DENND4C: variants seen among roughly 807,000 people sequenced by gnomAD.
DENND4C encodes DENN domain containing 4C.
DENND4C carries 108 observed loss-of-function variants against 203.0 expected under a neutral mutation model. That is an observed-to-expected ratio of 0.53 (90% CI 0.46 to 0.62). DENND4C has a LOEUF of 0.62. Ranked by LOEUF, DENND4C falls within the 20% of genes least tolerant of loss-of-function variation. The pLI is 0.00. For missense variants in DENND4C, 2,481 were observed against 2,301.2 expected (o/e 1.08, Z -1.60); for synonymous variants, 871 against 792.4 (o/e 1.10, Z -1.67).
At chr9:19,319,761 G>A (rs896282036) in intron 12 of DENND4C, among the ~76,000 whole-genome samples, 2 of 152,048 alleles carry the variant, frequency 1.3e-5, no homozygotes, top group Non-Finnish European at 2.9e-5. Context: ...AGAAAAAAAT[G>A]TAATACTAAC....
intron 4 of DENND4C, among the ~76,000 whole-genome samples, chr9:19,290,466 A>G (rs756993081): frequency 1.3e-5 from 2 of 152,224 alleles, no homozygotes; most frequent in Non-Finnish European, 2.9e-5. Flanking sequence ...GGTTGAATGG[A>G]ATCTCAACTA....
At chr9:19,233,411 C>T (rs1821064618) in intron 1 of DENND4C, among the ~76,000 whole-genome samples, 1 of 152,096 alleles carries the variant, frequency 6.6e-6, no homozygotes, top group Non-Finnish European at 1.5e-5. Context: ...AGGTCTTTAG[C>T]ATCAGATTGT....
At chr9:19,318,850 A>G (rs1279138985) in intron 12 of DENND4C, among the ~76,000 whole-genome samples, 1 of 152,112 alleles carries the variant, frequency 6.6e-6, no homozygotes, top group African/African-American at 2.4e-5. Flanking sequence ...TTACATTCCG[A>G]GGTACTAGGG....
intron 1 of DENND4C, among the ~76,000 whole-genome samples, chr9:19,258,907 G>A (rs10738532): frequency 0.49 from 74,927 of 151,768 alleles, 19,259 homozygotes; most frequent in South Asian, 0.66. Context: ...TGCCTGCCTC[G>A]GCCTCCCAAA....
intron 12 of DENND4C, among the ~76,000 whole-genome samples, chr9:19,321,205 A>C (rs568509925): frequency 6.6e-6 from 1 of 152,252 alleles, no homozygotes. Context: ...GAGACATTGA[A>C]GCATGGATCT....
intron 10 of DENND4C, among the ~76,000 whole-genome samples, chr9:19,308,495 C>A (rs1158420704): frequency 6.6e-6 from 1 of 152,070 alleles, no homozygotes; most frequent in Non-Finnish European, 1.5e-5. Context: ...TTTGTTGGTA[C>A]ATTTTCCTGT....
rs1204882044 is a variant in DENND4C, at chr9:19,346,715, A to G, written c.3946A>G (p.Thr1316Ala). The G allele has an allele frequency of 1.9e-6, 3 of 1,614,188 alleles. No homozygotes were observed. The highest frequency in any genetic ancestry group is 2.2e-5 in the South Asian group (2 of 91,084). Residue 1316 changes from threonine to alanine, a missense_variant, in exon 23 of 33, where the codon ACT (threonine) becomes GCT (alanine). This residue lies in a region of DENND4C where 2,289 missense variants were observed against 2,113.3 expected (regional missense o/e 1.08). Coordinates refer to ENST00000434457, the MANE Select transcript of DENND4C (RefSeq NM_001330640.2). ...GGAAAACAGAGAGTCTGGCATGACT[A>G]CTGCATTTATTCATGCTCTAGAGAG... ...REENRESGMT[T>A]AFIHALERRS...
chr9:19,277,803 A>G (rs1833185989), intron 2 of DENND4C, among the ~76,000 whole-genome samples: 1 of 152,192 alleles, frequency 6.6e-6, no homozygotes, highest in Admixed American at 6.5e-5. Context: ...TTCCTTAAAT[A>G]CCATTTATCA....
intron 22 of DENND4C, among the ~76,000 whole-genome samples, chr9:19,344,063 A>G (rs1822262076): frequency 6.6e-6 from 1 of 152,206 alleles, no homozygotes; most frequent in African/African-American, 2.4e-5. Flanking sequence ...GCTTATTCTG[A>G]TTAATTGATA....
At position 19,371,919 on chromosome 9, in the gene DENND4C, A is replaced by G. The variant is rs150992034; in HGVS notation, c.5740+99A>G. The G allele has an allele frequency of 2.4e-5, 31 of 1,318,412 alleles. No individual in the cohort carries two copies. In the East Asian group the frequency reaches 7.2e-4, roughly 31 times the overall value. The allele number at this position is 1,318,412 out of a possible 1,614,324, so 81.7% of individuals were successfully genotyped here. A position where few individuals can be genotyped will look rare whatever the true frequency, so the allele number is the denominator to read the frequency against. ...CTGGTATGTATAAAAGATTTAAAAG[A>G]TTTCTACTTCTAAATATATAGTTCA... On this transcript the variant is annotated intron_variant, in intron 32 of 32. Transcript: ENST00000434457.
chr9:19,345,019 C>G (rs775984610), intron 22 of DENND4C, among the ~76,000 whole-genome samples: 4 of 152,064 alleles, frequency 2.6e-5, no homozygotes, highest in Non-Finnish European at 4.4e-5. Context: ...CTTTCATGAT[C>G]AAATTATCTT....
chr9:19,245,971 T>C (rs1316801322), intron 1 of DENND4C, among the ~76,000 whole-genome samples: 1 of 152,232 alleles, frequency 6.6e-6, no homozygotes, highest in Non-Finnish European at 1.5e-5. Context: ...TTTTTTTTAT[T>C]TTTTCAGTTC....
Position 19,372,399 on chromosome 9 carries a change from C to T in DENND4C, c.*226C>T, listed in dbSNP as rs1272542345. On this transcript the variant is annotated 3_prime_UTR_variant, in exon 33 of 33. Transcript: ENST00000434457. ...ATATTGAAGATTTTCAACCCCTGAA[C>T]TGCTTTTCTGCCTCTGTGGAAAACT... 1 of 419,994 alleles carries T rather than the reference C, an allele frequency of 2.4e-6. No homozygotes were observed. Among genetic ancestry groups the T allele is most frequent in the African/African-American group, 2.0e-5 (1 of 49,502 alleles). The allele number at this position is 419,994 out of a possible 1,614,324, so 26.0% of individuals were successfully genotyped here.
At chr9:19,327,962 A>G in intron 15 of DENND4C, 68 bp from the exon 16 acceptor site, 2 of 1,423,764 alleles carry the variant, frequency 1.4e-6, no homozygotes, top group South Asian at 2.8e-5. Context: ...ATATTTGCCT[A>G]AACGCTGGAA....
In DENND4C at chr9:19,369,891, T is replaced by C. The variant is rs546286481; in HGVS notation, c.5579T>C (p.Leu1860Ser). The part of the protein sequence containing the change: ...LSEEQQETST[L>S]VETIRQSIQH... ...GAGGAACAACAAGAAACAAGCACTTTAGTAGAAACCATCAGGCAGAGTATT... is the reference window on the plus strand; with the variant it reads ...GAGGAACAACAAGAAACAAGCACTTCAGTAGAAACCATCAGGCAGAGTATT... The change falls in exon 31 of 33, where the codon TTA becomes TCA. Residue 1860 changes from leucine (L) to serine (S), a missense_variant. Coordinates refer to ENST00000434457, the MANE Select transcript of DENND4C (RefSeq NM_001330640.2). 9.3e-6 allele frequency: 15 copies of C among 1,613,616 alleles called. No individual in the cohort carries two copies. Among genetic ancestry groups the C allele is most frequent in the East Asian group, 2.2e-5 (1 of 44,846 alleles).
intron 2 of DENND4C, among the ~76,000 whole-genome samples, chr9:19,278,018 A>G (rs1263980840): frequency 6.6e-6 from 1 of 150,440 alleles, no homozygotes; most frequent in Non-Finnish European, 1.5e-5. Context: ...AAAAATGATT[A>G]ATTCCTTAAT....
At chr9:19,232,142 T>C (rs1392956792) in intron 1 of DENND4C, among the ~76,000 whole-genome samples, 1 of 152,238 alleles carries the variant, frequency 6.6e-6, no homozygotes, top group African/African-American at 2.4e-5. Context: ...TGTCCTGTTC[T>C]TTGTATTACT....
intron 1 of DENND4C, among the ~76,000 whole-genome samples, chr9:19,240,487 G>T (rs1588714650): frequency 6.6e-6 from 1 of 152,110 alleles, no homozygotes; most frequent in Admixed American, 6.6e-5. Flanking sequence ...TCAACATAGT[G>T]AAACCCCATC....
At chr9:19,243,276 T>C (rs1824231900) in intron 1 of DENND4C, among the ~76,000 whole-genome samples, 1 of 152,206 alleles carries the variant, frequency 6.6e-6, no homozygotes, top group Non-Finnish European at 1.5e-5. Flanking sequence ...GCTTCTTTCA[T>C]TTAGGATAGT....
Sources: allele counts gnomAD v4.1 joint callset (sites outside exome capture counted in the v4.1 genomes callset), GRCh38; gene constraint gnomAD v4.1.1; regional missense constraint gnomAD v4.1.1; transcripts MANE v1.5; gene names NCBI Gene and HGNC (gene_info 2026-07-23, HGNC 2026-07-21).